Variants in ABTB3 observed in about 807,000 individuals in gnomAD.
ABTB3 encodes the protein ankyrin repeat and BTB domain containing 3, also known as ankyrin repeat- and BTB/POZ domain-containing protein 3.
the ABTB3 span, among the ~76,000 whole-genome samples, chr12:107,623,168 C>A: frequency 6.7e-6 from 1 of 150,042 alleles, no homozygotes; most frequent in East Asian, 2.0e-4. Flanking sequence ...TCAAGCAATT[C>A]TCCTGCCTCA....
the ABTB3 span, among the ~76,000 whole-genome samples, chr12:107,582,224 G>T: frequency 6.6e-6 from 1 of 152,138 alleles, no homozygotes; most frequent in Admixed American, 6.5e-5. Context: ...ATAATTGCTA[G>T]CATTTATTGG....
chr12:107,507,586 A>C, the ABTB3 span, among the ~76,000 whole-genome samples: 1 of 152,162 alleles, frequency 6.6e-6, no homozygotes, highest in South Asian at 2.1e-4. Context: ...GCCCCTCAGC[A>C]AAGCACTTGA....
At chr12:107,578,692 G>GAATCC in the ABTB3 span, among the ~76,000 whole-genome samples, 1 of 152,140 alleles carries the variant, frequency 6.6e-6, no homozygotes, top group Admixed American at 6.5e-5. Flanking sequence ...TGAGACAGTA[G>GAATCC]AATCCAATTC....
chr12:107,598,478 CAA>C, the ABTB3 span, among the ~76,000 whole-genome samples: 2 of 152,164 alleles, frequency 1.3e-5, no homozygotes, highest in Non-Finnish European at 2.9e-5. Context: ...TGTACCCAGC[CAA>C]AACTCAGTGA....
the ABTB3 span, among the ~76,000 whole-genome samples, chr12:107,535,144 A>C: frequency 1.8e-3 from 275 of 152,300 alleles, 7 homozygotes; most frequent in East Asian, 0.042. Flanking sequence ...GCATATACAA[A>C]TCAATAAACA....
chr12:107,560,784 TG>T, the ABTB3 span, among the ~76,000 whole-genome samples: 1 of 152,258 alleles, frequency 6.6e-6, no homozygotes, highest in Non-Finnish European at 1.5e-5. Flanking sequence ...GAGCTTGTTC[TG>T]TGGACAAAGT....
the ABTB3 span, among the ~76,000 whole-genome samples, chr12:107,492,730 C>T: frequency 6.6e-6 from 1 of 152,126 alleles, no homozygotes; most frequent in African/African-American, 2.4e-5. Context: ...AAATCAACCA[C>T]ATTTAACCCA....
At chr12:107,543,743 T>G in the ABTB3 span, among the ~76,000 whole-genome samples, 1 of 151,914 alleles carries the variant, frequency 6.6e-6, no homozygotes, top group Non-Finnish European at 1.5e-5. Flanking sequence ...GCACCCCAGA[T>G]TCAGTAAGCC....
chr12:107,461,684 A>C, the ABTB3 span, among the ~76,000 whole-genome samples: 1 of 149,766 alleles, frequency 6.7e-6, no homozygotes, highest in Admixed American at 6.7e-5. Flanking sequence ...ATTTGCCTTG[A>C]AAAAGAAAGT....
the ABTB3 span, among the ~76,000 whole-genome samples, chr12:107,448,394 T>C: frequency 2.0e-5 from 3 of 152,208 alleles, no homozygotes; most frequent in Non-Finnish European, 4.4e-5. Context: ...TTCCATGCTC[T>C]GCCCACAGGG....
the ABTB3 span, among the ~76,000 whole-genome samples, chr12:107,491,872 G>A: frequency 1.3e-5 from 2 of 151,964 alleles, no homozygotes; most frequent in Non-Finnish European, 2.9e-5. Flanking sequence ...CAGCCTGTTG[G>A]GATCCAGGAA....
chr12:107,628,611 C>CT, the ABTB3 span, among the ~76,000 whole-genome samples: 9 of 151,416 alleles, frequency 5.9e-5, no homozygotes, highest in East Asian at 1.9e-4. Context: ...ATAAGGAGGG[C>CT]TTTTTTTTTC....
the ABTB3 span, among the ~76,000 whole-genome samples, chr12:107,514,629 C>A: frequency 6.6e-6 from 1 of 152,124 alleles, no homozygotes; most frequent in South Asian, 2.1e-4. Flanking sequence ...AGGACCTTCT[C>A]CCTGACCAAG....
At chr12:107,635,520 C>A in the ABTB3 span, 2 of 649,306 alleles carry the variant, frequency 3.1e-6, no homozygotes. Context: ...GGAGTCAGGC[C>A]GGGGGAGATC....
At chr12:107,613,363 G>A in the ABTB3 span, among the ~76,000 whole-genome samples, 2 of 152,126 alleles carry the variant, frequency 1.3e-5, no homozygotes, top group African/African-American at 4.8e-5. Flanking sequence ...CTTGTTGCCT[G>A]AGTTGACAGA....
chr12:107,604,466 T>G, the ABTB3 span, among the ~76,000 whole-genome samples: 1 of 152,224 alleles, frequency 6.6e-6, no homozygotes, highest in Non-Finnish European at 1.5e-5. Flanking sequence ...GTCCTAAACA[T>G]GTCATTTCTC....
the ABTB3 span, among the ~76,000 whole-genome samples, chr12:107,406,251 T>C: frequency 1.3e-5 from 2 of 152,196 alleles, no homozygotes; most frequent in Non-Finnish European, 1.5e-5. Context: ...AGCTGGCTAC[T>C]TCCTAGCCTG....
the ABTB3 span, among the ~76,000 whole-genome samples, chr12:107,409,822 C>A: frequency 5.3e-5 from 8 of 152,122 alleles, no homozygotes; most frequent in Admixed American, 3.3e-4. Context: ...ATGTAACAAA[C>A]CTGCACGTTC....
At chr12:107,397,269 C>T in the ABTB3 span, among the ~76,000 whole-genome samples, 30 of 152,300 alleles carry the variant, frequency 2.0e-4, no homozygotes, top group East Asian at 1.9e-3. Flanking sequence ...ACATTCCCAC[C>T]GGTCCTTGGT....
Sources: gnomAD v4.1 joint callset for allele counts (sites outside exome capture counted in the v4.1 genomes callset) on GRCh38, gnomAD v4.1.1 for gene constraint, MANE v1.5 for transcripts, NCBI Gene and HGNC (gene_info 2026-07-23, HGNC 2026-07-21) for gene names.